SPON1: variants seen among roughly 807,000 people sequenced by gnomAD.
SPON1 encodes the protein spondin 1, also known as spondin-1.
In SPON1, 52 loss-of-function variants were observed where a neutral mutation model predicts 111.7. That is an observed-to-expected ratio of 0.47 (90% CI 0.37 to 0.59). SPON1 has a LOEUF of 0.59. Ranked by LOEUF, SPON1 falls within the 20% of genes least tolerant of loss-of-function variation. The probability of loss-of-function intolerance (pLI) is 0.00; values close to 1 mark genes in which losing one functional copy is unlikely to be tolerated. For synonymous variants in SPON1, 410 were observed against 395.8 expected, an observed-to-expected ratio of 1.04 and a Z score of -0.43; for missense variants, 957 against 1,068.5, an observed-to-expected ratio of 0.90 and a Z score of 1.46.
At chr11:14,223,762 C>G (rs1848707333) in intron 6 of SPON1, among the ~76,000 whole-genome samples, 2 of 152,202 alleles carry the variant, frequency 1.3e-5, no homozygotes, top group South Asian at 4.1e-4. Flanking sequence ...ACCTTCTGTT[C>G]TTTGCCTCTC....
intron 5 of SPON1, among the ~76,000 whole-genome samples, chr11:14,110,853 A>C (rs1015208618): frequency 1.3e-5 from 2 of 152,232 alleles, no homozygotes; most frequent in African/African-American, 4.8e-5. Context: ...GGCATTCTTC[A>C]ATCCAGTCAA....
chr11:14,020,114 T>C (rs1205277069), intron 2 of SPON1, among the ~76,000 whole-genome samples: 3 of 152,132 alleles, frequency 2.0e-5, no homozygotes, highest in African/African-American at 4.8e-5. Context: ...GGAATGGCTG[T>C]TGGGCCAGTA....
At chr11:14,178,457 G>A (rs1224245204) in intron 6 of SPON1, among the ~76,000 whole-genome samples, 4 of 149,748 alleles carry the variant, frequency 2.7e-5, no homozygotes, top group Non-Finnish European at 4.4e-5. Context: ...AAACAACACA[G>A]AATCCTGCAC....
intron 5 of SPON1, among the ~76,000 whole-genome samples, chr11:14,109,162 A>G (rs1849208330): frequency 6.6e-6 from 1 of 152,040 alleles, no homozygotes. Context: ...GTGCCCTTCC[A>G]GCTATCTATT....
chr11:14,092,851 A>G (rs546554651), intron 5 of SPON1, among the ~76,000 whole-genome samples: 1 of 152,350 alleles, frequency 6.6e-6, no homozygotes, highest in Non-Finnish European at 1.5e-5. Flanking sequence ...ACAGACTCAG[A>G]TGACATAGCC....
In SPON1 at chr11:14,041,553, C is replaced by T; in HGVS notation, c.378C>T (p.Ser126=). ...IIDEEETQFM[S]NCPVAVTEST... ...ACGAAGAAGAAACTCAGTTTATGAGCAATTGCCCTGTTGCAGTCACTGAAA... is the reference window on the plus strand; with the variant it reads ...ACGAAGAAGAAACTCAGTTTATGAGTAATTGCCCTGTTGCAGTCACTGAAA... Residue 126 remains serine (S), a synonymous_variant, in exon 3 of 16, where the codon AGC becomes AGT. Coordinates refer to ENST00000576479, the MANE Select transcript of SPON1 (RefSeq NM_006108.4). 6.2e-7 allele frequency: 1 copy of T among 1,613,908 alleles called. No individual in the cohort carries two copies. Among genetic ancestry groups the T allele is most frequent in the Admixed American group, 1.7e-5 (1 of 60,014 alleles).
chr11:13,973,932 T>G (rs1848082616), intron 1 of SPON1, among the ~76,000 whole-genome samples: 1 of 152,166 alleles, frequency 6.6e-6, no homozygotes, highest in South Asian at 2.1e-4. Flanking sequence ...GGGAGAAACT[T>G]CATCTCTGCC....
intron 5 of SPON1, among the ~76,000 whole-genome samples, chr11:14,086,653 G>C (rs1849008995): frequency 6.6e-6 from 1 of 152,120 alleles, no homozygotes; most frequent in Non-Finnish European, 1.5e-5. Context: ...GGATGATGCT[G>C]GCCTCAGAAA....
At chr11:14,221,737 C>T (rs1848683543) in intron 6 of SPON1, among the ~76,000 whole-genome samples, 2 of 152,190 alleles carry the variant, frequency 1.3e-5, no homozygotes, top group Admixed American at 1.3e-4. Context: ...CCCATCTTCA[C>T]AAGCGAAGGG....
At chr11:13,979,465 T>A (rs1366029837) in intron 1 of SPON1, among the ~76,000 whole-genome samples, 1 of 152,152 alleles carries the variant, frequency 6.6e-6, no homozygotes, top group East Asian at 1.9e-4. Context: ...CAGATGAAAG[T>A]GATTCTTTTA....
chr11:13,986,904 T>C (rs1318528244), intron 2 of SPON1, among the ~76,000 whole-genome samples: 6 of 152,220 alleles, frequency 3.9e-5, no homozygotes, highest in African/African-American at 1.4e-4. Context: ...CATCCTTTTT[T>C]ATGGCTGCAT....
At chr11:14,091,112 A>G (rs34759425) in intron 5 of SPON1, among the ~76,000 whole-genome samples, 67,225 of 150,700 alleles carry the variant, frequency 0.45, 15,794 homozygotes, top group South Asian at 0.66. Context: ...GGTTCTCCAA[A>G]GCCCCACCAG....
chr11:13,994,890 G>T (rs978691497), intron 2 of SPON1, among the ~76,000 whole-genome samples: 20 of 152,170 alleles, frequency 1.3e-4, no homozygotes, highest in Non-Finnish European at 5.9e-5. Context: ...CATTCTGAGA[G>T]AGCCCACAAT....
At chr11:14,248,803 G>T (rs1849022472) in intron 7 of SPON1, among the ~76,000 whole-genome samples, 1 of 152,140 alleles carries the variant, frequency 6.6e-6, no homozygotes, top group African/African-American at 2.4e-5. Context: ...GTTTTTCAAT[G>T]ATCTGCATCT....
At chr11:14,179,634 A>G (rs1227377396) in intron 6 of SPON1, among the ~76,000 whole-genome samples, 1 of 152,176 alleles carries the variant, frequency 6.6e-6, no homozygotes, top group African/African-American at 2.4e-5. Context: ...TCTGAGCCAC[A>G]GTTTCCTCAT....
chr11:14,159,813 A>G (rs1261374395), intron 6 of SPON1, among the ~76,000 whole-genome samples: 2 of 143,702 alleles, frequency 1.4e-5, no homozygotes, highest in African/African-American at 5.1e-5. Flanking sequence ...GTTCTCACTT[A>G]TTTATGAGAT....
intron 6 of SPON1, among the ~76,000 whole-genome samples, chr11:14,240,800 A>G (rs530240661): frequency 3.9e-5 from 6 of 152,232 alleles, no homozygotes; most frequent in Admixed American, 6.5e-5. Context: ...AAGAGCAAAC[A>G]GACTGTCATC....
rs1410202912 is a variant in SPON1, at chr11:14,266,313, C to T, written c.*626C>T. 6.6e-6 allele frequency: 1 copy of T among 151,786 alleles called. No individual in the cohort carries two copies. The highest frequency in any genetic ancestry group is 1.5e-5 in the Non-Finnish European group (1 of 68,006). The allele number at this position is 151,786 out of a possible 1,614,324, so 9.4% of individuals were successfully genotyped here. On this transcript the variant is annotated 3_prime_UTR_variant, in exon 16 of 16. Transcript: ENST00000576479. ...CACCCCTGATATTGGTTCCTGATGCCCCCCCAACAAAAATAAATAAATAAA... is the reference window on the plus strand; with the variant it reads ...CACCCCTGATATTGGTTCCTGATGCTCCCCCAACAAAAATAAATAAATAAA...
intron 2 of SPON1, among the ~76,000 whole-genome samples, chr11:14,005,772 T>G (rs1321650919): frequency 1.3e-5 from 2 of 152,248 alleles, no homozygotes; most frequent in African/African-American, 2.4e-5. Context: ...CTTCAGGCTA[T>G]GCACAAAGGG....
Sources: allele counts gnomAD v4.1 joint callset (sites outside exome capture counted in the v4.1 genomes callset), GRCh38; gene constraint gnomAD v4.1.1; transcripts MANE v1.5; gene names NCBI Gene and HGNC (gene_info 2026-07-23, HGNC 2026-07-21).